Variants in DPP10 observed in about 807,000 individuals in gnomAD.
DPP10 encodes the protein dipeptidyl peptidase like 10, also known as inactive dipeptidyl peptidase 10.
In DPP10, 33 loss-of-function variants were observed where a neutral mutation model predicts 120.9. The observed-to-expected ratio is 0.27, with a 90% CI of 0.21 to 0.37. The LOEUF is 0.37. Among genes scored for constraint, DPP10 ranks in the 10% least tolerant of loss-of-function variants. DPP10 has a pLI of 1.00. For synonymous variants in DPP10, 337 were observed against 326.1 expected (o/e 1.03, Z -0.36); for missense variants, 816 against 942.8 (o/e 0.87, Z 1.76).
At chr2:115,688,073 G>T (rs2091106057) in intron 5 of DPP10, among the ~76,000 whole-genome samples, 1 of 149,070 alleles carries the variant, frequency 6.7e-6, no homozygotes, top group South Asian at 2.1e-4. Context: ...GACAGAAGTG[G>T]TCACATTTCT....
intron 13 of DPP10, among the ~76,000 whole-genome samples, chr2:115,770,840 A>G (rs988498442): frequency 6.6e-6 from 1 of 152,130 alleles, no homozygotes; most frequent in Non-Finnish European, 1.5e-5. Context: ...TTAATCCATT[A>G]TTGTGTATAT....
At chr2:115,739,093 C>T (rs1177727261) in intron 8 of DPP10, among the ~76,000 whole-genome samples, 1 of 151,992 alleles carries the variant, frequency 6.6e-6, no homozygotes, top group East Asian at 1.9e-4. Flanking sequence ...TCACAGCCAG[C>T]CTGAGGTAAC....
intron 2 of DPP10, among the ~76,000 whole-genome samples, chr2:115,342,373 AT>A (rs949582119): frequency 3.3e-5 from 5 of 151,954 alleles, no homozygotes; most frequent in Non-Finnish European, 7.4e-5. Flanking sequence ...CTCTAGGCTC[AT>A]TTTTTGTTTT....
At chr2:115,507,033 C>T (rs907773037) in intron 4 of DPP10, among the ~76,000 whole-genome samples, 22 of 55,326 alleles carry the variant, frequency 4.0e-4, no homozygotes, top group Admixed American at 1.1e-3. Flanking sequence ...CACACGCACG[C>T]GCACACACAC....
intron 1 of DPP10, among the ~76,000 whole-genome samples, chr2:115,167,435 AAAG>A (rs899772079): frequency 3.3e-5 from 5 of 151,162 alleles, no homozygotes; most frequent in Admixed American, 1.3e-4. Flanking sequence ...AAGAAAATAA[AAAG>A]AAAAGAAAGA....
chr2:114,590,862 A>G (rs1691403241), intron 1 of DPP10, among the ~76,000 whole-genome samples: 1 of 152,382 alleles, frequency 6.6e-6, no homozygotes, highest in African/African-American at 2.4e-5. Context: ...TTACTTTTAA[A>G]TAATGGCTGT....
At position 114,443,682 on chromosome 2, in the gene DPP10, G is replaced by A. The variant is rs143108694; in HGVS notation, c.60+844G>A. 2.9e-3 allele frequency among the ~76,000 whole-genome samples: 418 copies of A among 145,358 alleles called. 5 individuals carry two copies. The highest frequency in any genetic ancestry group is 0.014 in the Middle Eastern group (4 of 278). Reference sequence around the variant, plus strand: ...CATCTTGAGGGAAAGTGATGGATTCGTCTGAAACTCTTTTATGAAAAAAAA... The same window carrying A: ...CATCTTGAGGGAAAGTGATGGATTCATCTGAAACTCTTTTATGAAAAAAAA... On this transcript the variant is annotated intron_variant, in intron 1 of 25. Transcript: ENST00000410059.
chr2:115,572,170 T>G (rs981177856), intron 5 of DPP10, among the ~76,000 whole-genome samples: 2 of 152,132 alleles, frequency 1.3e-5, no homozygotes, highest in Non-Finnish European at 1.5e-5. Context: ...AAATGCATTT[T>G]TATAGGTATG....
At chr2:114,632,963 T>G (rs1239215847) in intron 1 of DPP10, among the ~76,000 whole-genome samples, 1 of 152,082 alleles carries the variant, frequency 6.6e-6, no homozygotes, top group Non-Finnish European at 1.5e-5. Flanking sequence ...GCTCTCTCAC[T>G]TATTCCAGGA....
intron 3 of DPP10, among the ~76,000 whole-genome samples, chr2:115,384,982 T>A (rs2066809452): frequency 6.6e-6 from 1 of 152,228 alleles, no homozygotes; most frequent in Admixed American, 6.5e-5. Context: ...GATAGGTTCA[T>A]CAGGGATTTT....
At chr2:115,565,149 A>C (rs1486770287) in intron 5 of DPP10, among the ~76,000 whole-genome samples, 1 of 152,200 alleles carries the variant, frequency 6.6e-6, no homozygotes, top group Admixed American at 6.5e-5. Flanking sequence ...GTATGTGTGT[A>C]TATATGTATG....
At chr2:114,491,779 T>C (rs1440653605) in intron 1 of DPP10, among the ~76,000 whole-genome samples, 2 of 152,240 alleles carry the variant, frequency 1.3e-5, no homozygotes, top group Admixed American at 1.3e-4. Flanking sequence ...AATTCTGGAA[T>C]TTAATTAGAT....
At chr2:114,944,690 G>A (rs1260164429) in intron 1 of DPP10, among the ~76,000 whole-genome samples, 1 of 152,068 alleles carries the variant, frequency 6.6e-6, no homozygotes, top group Non-Finnish European at 1.5e-5. Context: ...GAGCGCTAAG[G>A]TTTTTACATT....
At chr2:114,506,843 C>T (rs375712712) in intron 1 of DPP10, among the ~76,000 whole-genome samples, 1 of 152,208 alleles carries the variant, frequency 6.6e-6, no homozygotes, top group South Asian at 2.1e-4. Context: ...ATGATACAAA[C>T]AATTGTATTG....
intron 1 of DPP10, among the ~76,000 whole-genome samples, chr2:115,001,577 T>A (rs147378140): frequency 0.016 from 2,490 of 152,162 alleles, 64 homozygotes; most frequent in African/African-American, 0.058. Flanking sequence ...ATAAAAGGTA[T>A]CCAAATAGGA....
At chr2:115,838,957 T>C (rs186594456) in intron 24 of DPP10, among the ~76,000 whole-genome samples, 263 of 152,308 alleles carry the variant, frequency 1.7e-3, no homozygotes, top group Non-Finnish European at 2.3e-3. Context: ...CCTGTAATGT[T>C]CCCTTTTAGC....
At chr2:115,809,030 T>C (rs1216414793) in intron 19 of DPP10, among the ~76,000 whole-genome samples, 12 of 152,158 alleles carry the variant, frequency 7.9e-5, no homozygotes. Flanking sequence ...TTGAAGATTA[T>C]CTTAACAATA....
At chr2:115,067,574 AG>A (rs1201010215) in intron 1 of DPP10, among the ~76,000 whole-genome samples, 2 of 145,242 alleles carry the variant, frequency 1.4e-5, no homozygotes. Flanking sequence ...TTTTAAAAAA[AG>A]AAAAATGGCC....
chr2:114,542,193 A>G (rs1326665705), intron 1 of DPP10, among the ~76,000 whole-genome samples: 2 of 151,630 alleles, frequency 1.3e-5, no homozygotes, highest in African/African-American at 4.9e-5. Flanking sequence ...TATGACAGGC[A>G]TGTGTCACCA....
Sources: allele counts gnomAD v4.1 joint callset (sites outside exome capture counted in the v4.1 genomes callset), GRCh38; gene constraint gnomAD v4.1.1; transcripts MANE v1.5; gene names NCBI Gene and HGNC (gene_info 2026-07-23, HGNC 2026-07-21).